ZFYVE21: variants seen among roughly 807,000 people sequenced by gnomAD.
The protein encoded by ZFYVE21 is zinc finger FYVE-type containing 21.
Under a neutral mutation model 29.5 loss-of-function variants are expected in ZFYVE21, and 21 were observed. The observed-to-expected ratio is 0.71, with a 90% CI of 0.50 to 1.02. The LOEUF is 1.02. Among genes scored for constraint, ZFYVE21 ranks in the 50% least tolerant of loss-of-function variants. ZFYVE21 has a pLI of 0.00. For missense variants in ZFYVE21, 326 were observed against 335.4 expected (o/e 0.97, Z 0.22); for synonymous variants, 151 against 133.8 (o/e 1.13, Z -0.89).
intron 1 of ZFYVE21, among the ~76,000 whole-genome samples, chr14:103,723,599 C>G (rs544269989): frequency 6.6e-6 from 1 of 152,204 alleles, no homozygotes; most frequent in Non-Finnish European, 1.5e-5. Context: ...ATGAGGCCCT[C>G]GTGTGGGTCG....
intron 1 of ZFYVE21, among the ~76,000 whole-genome samples, chr14:103,722,126 C>T (rs1050025943): frequency 3.3e-5 from 5 of 152,168 alleles, no homozygotes; most frequent in Non-Finnish European, 7.4e-5. Context: ...TGCTTACTGG[C>T]GGGGTAGGTA....
chr14:103,733,076 C>G lies in ZFYVE21; in HGVS notation c.*58C>G. ...GTCACCAGGACTGAGTCGCTTGGAA[C>G]AGCAGAGCCTGCTCCTTGCGTACCA... On this transcript the variant is annotated 3_prime_UTR_variant, in exon 7 of 7. Transcript: ENST00000311141. The G allele has an allele frequency of 1.9e-6, 3 of 1,609,096 alleles. No homozygotes were observed. Among genetic ancestry groups the G allele is most frequent in the South Asian group, 2.2e-5 (2 of 90,952 alleles).
At position 103,732,708 on chromosome 14, in the gene ZFYVE21, G is replaced by A. The variant is rs775233594; in HGVS notation, c.615G>A (p.Glu205=). 1 of 1,613,766 alleles carries A rather than the reference G, an allele frequency of 6.2e-7. No individual in the cohort carries two copies. Among genetic ancestry groups the A allele is most frequent in the Admixed American group, 1.7e-5 (1 of 59,856 alleles). Residue 205 remains glutamate (E), a synonymous_variant, in exon 6 of 7, where the codon GAG becomes GAA. Coordinates refer to ENST00000311141, the MANE Select transcript of ZFYVE21 (RefSeq NM_024071.4). ...GVTQLKLTVV[E]DVTVGRRQAV... ...CCCAGCTGAAGCTGACAGTGGTGGA[G>A]GACGTGACTGTGGGCAGGAGGCAGG...
At position 103,729,177 on chromosome 14, in the gene ZFYVE21, C is replaced by T; in HGVS notation, c.521C>T (p.Pro174Leu). ...CAGATCCTCACAGAAGGCTTCCCTC[C>T]TGGAGGTAAATGCCAGCACGTCCTT... is the stretch of plus-strand genomic sequence containing the variant. The part of the protein sequence containing the change: ...TVQILTEGFP[P>L]GGGNARATGM... Residue 174 changes from proline to leucine, a missense_variant, in exon 5 of 7, where the codon CCT becomes CTT. Physicochemically the swap from Pro to Leu is moderately conservative, Grantham distance 98. Coordinates refer to ENST00000311141, the MANE Select transcript of ZFYVE21 (RefSeq NM_024071.4). 1 of 1,614,070 alleles carries T rather than the reference C, an allele frequency of 6.2e-7. No individual in the cohort carries two copies. The highest frequency in any genetic ancestry group is 1.3e-5 in the African/African-American group (1 of 75,024).
rs2083954715 is a variant in ZFYVE21 at position 103,729,274 on chromosome 14, G to A, written c.526+92G>A. ...CATGCACTTTTGGGATCAGGCAGCT[G>A]CCCTGAGGAGTGGGGTCTGCTGGGT... On this transcript the variant is annotated intron_variant, in intron 5 of 6. Transcript: ENST00000311141. 1.1e-5 allele frequency: 14 copies of A among 1,273,200 alleles called. No individual in the cohort carries two copies. In the South Asian group the frequency reaches 1.8e-4, roughly 17 times the overall value. 78.9% of individuals were successfully genotyped at this position (1,273,200 alleles called of 1,614,324 possible). A position where few individuals can be genotyped will look rare whatever the true frequency, so the allele number is the denominator to read the frequency against.
chr14:103,721,919 G>A (rs763231806), intron 1 of ZFYVE21, among the ~76,000 whole-genome samples: 2 of 152,238 alleles, frequency 1.3e-5, no homozygotes, highest in Non-Finnish European at 2.9e-5. Context: ...CGCAGAGGCT[G>A]GCATTCCAGA....
chr14:103,727,832 C>T lies in ZFYVE21; in HGVS notation c.276C>T (p.Pro92=), dbSNP rs781686429. 1.8e-5 allele frequency: 29 copies of T among 1,613,048 alleles called. No homozygotes were observed. The highest frequency in any genetic ancestry group is 1.8e-4 in the East Asian group (8 of 44,878). The part of the protein sequence containing the change: ...VPLRRMCFVD[P]VRQCAECALV... ...TGCGGCGCATGTGCTTTGTGGACCCCGTGCGGCAGTGCGCGGAGTGCGCCC... is the reference window on the plus strand; with the variant it reads ...TGCGGCGCATGTGCTTTGTGGACCCTGTGCGGCAGTGCGCGGAGTGCGCCC... The change falls in exon 3 of 7, where the codon CCC becomes CCT. Residue 92 remains proline (P), a synonymous_variant. Coordinates refer to ENST00000311141, the MANE Select transcript of ZFYVE21 (RefSeq NM_024071.4).
Position 103,716,031 on chromosome 14 carries a change from C to G in ZFYVE21, c.138+52C>G. 8.5e-7 allele frequency: 1 copy of G among 1,182,948 alleles called. No individual in the cohort carries two copies. Among genetic ancestry groups the G allele is most frequent in the East Asian group, 3.8e-5 (1 of 26,168 alleles). 73.3% of individuals were successfully genotyped at this position (1,182,948 alleles called of 1,614,324 possible). A position where few individuals can be genotyped will look rare whatever the true frequency, so the allele number is the denominator to read the frequency against. ...CCTCCGACCCGCCCCGCCGCCCCGG[C>G]CCGGCCCCGCGGGCTTCCAGGCTCC... On this transcript the variant is annotated intron_variant, in intron 1 of 6. Coordinates refer to ENST00000311141, the MANE Select transcript of ZFYVE21 (RefSeq NM_024071.4). The surrounding 1 kb of genome is among the most constrained non-coding windows in gnomAD (Gnocchi z 4.8).
intron 3 of ZFYVE21, among the ~76,000 whole-genome samples, chr14:103,728,526 G>T (rs1200386154): frequency 6.6e-6 from 1 of 152,224 alleles, no homozygotes; most frequent in Non-Finnish European, 1.5e-5. Flanking sequence ...TGGCTGGACG[G>T]TGGGCTTTGT....
intron 1 of ZFYVE21, chr14:103,725,376 AGGC>A (rs1277541248): frequency 6.6e-6 from 1 of 152,306 alleles, no homozygotes; most frequent in African/African-American, 2.4e-5. Flanking sequence ...TTCTAAGTGG[AGGC>A]GGCAGGCACA....
At chr14:103,732,169 TCTG>T (rs1363483464) in intron 5 of ZFYVE21, 15 of 153,930 alleles carry the variant, frequency 9.7e-5, no homozygotes, top group African/African-American at 3.6e-4. Context: ...TCCCTGACCA[TCTG>T]CTTGGCCTGT....
In ZFYVE21 at chr14:103,715,955, G is replaced by A. The variant is rs1595685442; in HGVS notation, c.114G>A (p.Glu38=). The A allele has an allele frequency of 7.1e-7, 1 of 1,405,378 alleles. No homozygotes were observed. The highest frequency in any genetic ancestry group is 1.4e-5 in the South Asian group (1 of 70,882). 87.1% of individuals were successfully genotyped at this position (1,405,378 alleles called of 1,614,324 possible). A position where few individuals can be genotyped will look rare whatever the true frequency, so the allele number is the denominator to read the frequency against. Residue 38 remains glutamate (E), a synonymous_variant, in exon 1 of 7, where the codon GAG becomes GAA. Transcript: ENST00000311141. ...TCGGAAGCCCGTTCGGCCTGGAGGA[G>A]CCGCAGTGGGTCCCGGACAAGGAGG... is the stretch of plus-strand genomic sequence containing the variant. ...RAFGSPFGLE[E]PQWVPDKECR...
chr14:103,717,398 G>T (rs1459205022), intron 1 of ZFYVE21, among the ~76,000 whole-genome samples: 1 of 152,230 alleles, frequency 6.6e-6, no homozygotes, highest in Non-Finnish European at 1.5e-5. Context: ...ACGTGAGAAA[G>T]TGTGGCCAAG....
At chr14:103,727,596 G>A (rs1043214482) in intron 2 of ZFYVE21, 150 bp from the exon 3 acceptor site, 1 of 980,328 alleles carries the variant, frequency 1.0e-6, no homozygotes, top group Non-Finnish European at 1.6e-6. Flanking sequence ...GGAGCCCAGG[G>A]GCTGGCGACA....
At chr14:103,732,785 G>A (rs775739211) in intron 6 of ZFYVE21, 23 bp downstream of exon 6, 3 of 1,608,164 alleles carry the variant, frequency 1.9e-6, no homozygotes, top group Non-Finnish European at 2.5e-6. Flanking sequence ...AGGCCAGGGA[G>A]GCTGGGCCCT....
rs2083823051 is a variant in ZFYVE21 at position 103,716,795 on chromosome 14, C to G, written c.138+816C>G. Among the ~76,000 whole-genome samples, 1 of 152,176 alleles carries G rather than the reference C, an allele frequency of 6.6e-6. No homozygotes were observed. The highest frequency in any genetic ancestry group is 2.1e-4 in the South Asian group (1 of 4,824). On this transcript the variant is annotated intron_variant, in intron 1 of 6. Transcript: ENST00000311141. The surrounding 1 kb of genome is among the most constrained non-coding windows in gnomAD (Gnocchi z 4.8). ...GTGACCTGATCGGAGGTGCCTTTGC[C>G]TCACACCAGCCCCTTGGCCAACTGG...
In ZFYVE21 at chr14:103,717,929, G is replaced by A. The variant is rs2083841360; in HGVS notation, c.138+1950G>A. 2.6e-5 allele frequency among the ~76,000 whole-genome samples: 4 copies of A among 152,238 alleles called. No homozygotes were observed. The South Asian group carries it at 8.3e-4, about 32-fold the overall frequency. On this transcript the variant is annotated intron_variant, in intron 1 of 6. Coordinates refer to ENST00000311141, the MANE Select transcript of ZFYVE21 (RefSeq NM_024071.4). ...AGGAACTTAGAACGGGGCAGTAAGG[G>A]CTGGAAGATTTGGAATAAAGTCCAG... is the stretch of plus-strand genomic sequence containing the variant.
At chr14:103,721,577 TC>T (rs2083873026) in intron 1 of ZFYVE21, among the ~76,000 whole-genome samples, 1 of 152,112 alleles carries the variant, frequency 6.6e-6, no homozygotes, top group Non-Finnish European at 1.5e-5. Flanking sequence ...CCGCCGTCCA[TC>T]CTAGGGGGCA....
chr14:103,723,054 A>G (rs1385460056), intron 1 of ZFYVE21, among the ~76,000 whole-genome samples: 6 of 152,244 alleles, frequency 3.9e-5, no homozygotes, highest in Non-Finnish European at 8.8e-5. Flanking sequence ...GAGAATATTG[A>G]GAGCCCTCTC....
Sources: allele counts gnomAD v4.1 joint callset (sites outside exome capture counted in the v4.1 genomes callset), GRCh38; gene constraint gnomAD v4.1.1; non-coding constraint Gnocchi (gnomAD v3.1); transcripts MANE v1.5; gene names NCBI Gene and HGNC (gene_info 2026-07-23, HGNC 2026-07-21).